Variants in ZC4H2 observed in about 807,000 individuals in gnomAD.
The protein encoded by ZC4H2 is zinc finger C4H2-type containing, also known as zinc finger C4H2 domain-containing protein.
For synonymous variants in ZC4H2, 84 were observed against 66.3 expected (o/e 1.27, Z -1.30); for missense variants, 137 against 173.9 (o/e 0.79, Z 1.19).
intron 1 of ZC4H2, among the ~76,000 whole-genome samples, chrX:64,928,632 C>T (rs750330894): frequency 1.3e-4 from 11 of 83,335 alleles, no homozygotes; most frequent in Admixed American, 7.0e-4. Context: ...CCTGCTTTCT[C>T]CTTCTTCTTC....
rs543576299 is a variant in ZC4H2, at chrX:64,940,267, G to A, written c.54-18279C>T. On this transcript the variant is annotated intron_variant, in intron 1 of 4. Transcript: ENST00000374839. ...TTTTTAATGGGGTTGGTTTTTTCTA[G>A]TAAACTTGTTTAAGATCCTTGTAGG... Among the ~76,000 whole-genome samples the A allele has an allele frequency of 4.5e-5, 5 of 111,604 alleles. No homozygotes were observed. In the South Asian group the frequency reaches 1.9e-3, roughly 42 times the overall value.
chrX:64,934,935 G>GTTT (rs779205674), intron 1 of ZC4H2, among the ~76,000 whole-genome samples: 1 of 103,883 alleles, frequency 9.6e-6, no homozygotes, highest in Non-Finnish European at 2.0e-5. Context: ...TAGCTGCAGG[G>GTTT]TTTTTTTTTT....
rs140588010 is a variant in ZC4H2 at position 64,924,335 on chromosome X, A to G, written c.54-2347T>C. On this transcript the variant is annotated intron_variant, in intron 1 of 4. Transcript: ENST00000374839. ...ATTGAGCACTTACTATGTATTAATT[A>G]TAGAGGGTTTCAATATATATTCAGT... Among the ~76,000 whole-genome samples the G allele has an allele frequency of 2.1e-3, 237 of 112,393 alleles. 1 individual carries two copies. Among genetic ancestry groups the G allele is most frequent in the Non-Finnish European group, 3.5e-3 (186 of 53,284 alleles).
intron 1 of ZC4H2, among the ~76,000 whole-genome samples, chrX:64,931,760 G>C (rs1929758177): frequency 9.0e-6 from 1 of 111,213 alleles, no homozygotes; most frequent in Admixed American, 9.5e-5. Flanking sequence ...GAAACTTGTT[G>C]TGTGACCTAT....
At chrX:64,967,216 T>C (rs1165215844) in intron 1 of ZC4H2, among the ~76,000 whole-genome samples, 1 of 111,634 alleles carries the variant, frequency 9.0e-6, no homozygotes, top group Non-Finnish European at 1.9e-5. Flanking sequence ...TTTACTATGG[T>C]CTTCAGGATT....
chrX:65,033,541 G>A (rs759173211), intron 1 of ZC4H2, among the ~76,000 whole-genome samples: 50 of 111,421 alleles, frequency 4.5e-4, no homozygotes, highest in African/African-American at 1.0e-3. Flanking sequence ...AGGAGCTAGG[G>A]CTAGAAAAAT....
rs757100267 is a variant in ZC4H2 at position 64,917,776 on chromosome X, CCTTT to C, written c.*3_*6del. 6.3e-5 allele frequency: 76 copies of C among 1,207,314 alleles called. No individual in the cohort carries two copies. Among genetic ancestry groups the C allele is most frequent in the Non-Finnish European group, 7.5e-5 (67 of 893,979 alleles). ...AATTAGCAAAGCTTCATGTGCTCTC[CCTTT>C]CTTTATTCATCCTGCTTCCGTTTCG... On this transcript the variant is annotated 3_prime_UTR_variant, in exon 5 of 5. Transcript: ENST00000374839.
intron 1 of ZC4H2, among the ~76,000 whole-genome samples, chrX:64,996,025 C>T (rs1932407010): frequency 9.0e-6 from 1 of 111,202 alleles, no homozygotes; most frequent in Non-Finnish European, 1.9e-5. Flanking sequence ...TTTAGAGAGC[C>T]ACACTTATGC....
chrX:64,971,272 T>C (rs1044844304), intron 1 of ZC4H2, among the ~76,000 whole-genome samples: 1 of 111,856 alleles, frequency 8.9e-6, no homozygotes, highest in Non-Finnish European at 1.9e-5. Context: ...CAAGGCAATG[T>C]GGATGCCATT....
At chrX:64,920,353 A>T in intron 2 of ZC4H2, 100 bp from the exon 3 acceptor site, 1 of 935,228 alleles carries the variant, frequency 1.1e-6, no homozygotes, top group East Asian at 3.2e-5. Context: ...GAACTTGTTC[A>T]GTCTATATTC....
intron 1 of ZC4H2, among the ~76,000 whole-genome samples, chrX:65,030,469 T>C (rs1231037105): frequency 1.8e-5 from 2 of 112,107 alleles, no homozygotes; most frequent in Non-Finnish European, 3.8e-5. Context: ...TCAGAAACTT[T>C]ACTCAAAGTC....
chrX:64,952,919 C>T (rs956313039), intron 1 of ZC4H2, among the ~76,000 whole-genome samples: 5 of 111,344 alleles, frequency 4.5e-5, no homozygotes, highest in Admixed American at 9.5e-5. Context: ...TGACTTCAAA[C>T]TATACTACAA....
chrX:64,990,863 T>C (rs1932295969), intron 1 of ZC4H2, among the ~76,000 whole-genome samples: 1 of 112,022 alleles, frequency 8.9e-6, no homozygotes, highest in Admixed American at 9.5e-5. Context: ...CCCCAACTTC[T>C]TTCTTTCCAC....
intron 1 of ZC4H2, among the ~76,000 whole-genome samples, chrX:64,997,461 C>A (rs1256962429): frequency 2.7e-5 from 3 of 112,410 alleles, no homozygotes; most frequent in African/African-American, 9.7e-5. Flanking sequence ...CCAGTAATAT[C>A]ATATTTTTGG....
intron 1 of ZC4H2, among the ~76,000 whole-genome samples, chrX:64,996,929 T>C (rs771747521): frequency 8.0e-5 from 9 of 112,186 alleles, no homozygotes; most frequent in African/African-American, 2.9e-4. Flanking sequence ...AGAAACAATA[T>C]TTCAAGAAAT....
intron 1 of ZC4H2, among the ~76,000 whole-genome samples, chrX:64,943,019 T>C (rs1409086593): frequency 8.9e-6 from 1 of 112,223 alleles, no homozygotes; most frequent in Non-Finnish European, 1.9e-5. Flanking sequence ...ATGATCACCA[T>C]TCTAAGTGGT....
chrX:65,023,140 G>A (rs1335091509), intron 1 of ZC4H2, among the ~76,000 whole-genome samples: 1 of 111,441 alleles, frequency 9.0e-6, no homozygotes, highest in African/African-American at 3.3e-5. Flanking sequence ...TTGGCTATGA[G>A]GGCTCTTTTT....
intron 1 of ZC4H2, among the ~76,000 whole-genome samples, chrX:65,019,443 G>T (rs999266529): frequency 2.6e-4 from 29 of 112,225 alleles, no homozygotes; most frequent in African/African-American, 9.4e-4. Context: ...CAGCAGAGGG[G>T]CCTGACTGTT....
At chrX:65,017,662 A>G (rs1456752303) in intron 1 of ZC4H2, among the ~76,000 whole-genome samples, 3 of 111,848 alleles carry the variant, frequency 2.7e-5, no homozygotes, top group African/African-American at 6.5e-5. Flanking sequence ...GCTTGGCTAT[A>G]TTTCACTAGG....
Sources: allele counts gnomAD v4.1 joint callset (sites outside exome capture counted in the v4.1 genomes callset), GRCh38; gene constraint gnomAD v4.1.1; transcripts MANE v1.5; gene names NCBI Gene and HGNC (gene_info 2026-07-23, HGNC 2026-07-21).